AK6: variants seen among roughly 807,000 people sequenced by gnomAD.
AK6 encodes adenylate kinase isoenzyme 6.
In AK6, 24 loss-of-function variants were observed where a neutral mutation model predicts 23.7. That is an observed-to-expected ratio of 1.01 (90% confidence interval 0.73 to 1.43). The LOEUF is 1.43. Ranked by LOEUF, AK6 falls within the 40% of genes most tolerant of loss-of-function variation. The pLI, the probability that AK6 is intolerant of heterozygous loss-of-function variation, is 0.00. For synonymous variants in AK6, 73 were observed against 69.8 expected, an observed-to-expected ratio of 1.05 and a Z score of -0.23; for missense variants, 191 against 199.1, an observed-to-expected ratio of 0.96 and a Z score of 0.24.
chr5:69,364,721 A>C (rs111689224), intron 2 of AK6: 1 of 633,732 alleles, frequency 1.6e-6, no homozygotes, highest in South Asian at 2.0e-5. Flanking sequence ...TTTTAAAAAC[A>C]TAACTGCCAA....
chr5:69,355,578 A>C, intron 4 of AK6, 71 bp downstream of exon 4: 6 of 1,406,708 alleles, frequency 4.3e-6, no homozygotes, highest in Non-Finnish European at 5.8e-6. Context: ...ATCTTTTATC[A>C]TGGCCAATTT....
At chr5:69,365,220 G>A (rs1215363056) in intron 2 of AK6, 2 of 1,614,068 alleles carry the variant, frequency 1.2e-6, no homozygotes, top group African/African-American at 1.3e-5. Flanking sequence ...TACTTTAGTT[G>A]AAACAGACAT....
intron 2 of AK6, among the ~76,000 whole-genome samples, chr5:69,363,313 G>A (rs948992719): frequency 6.6e-6 from 1 of 152,114 alleles, no homozygotes. Flanking sequence ...TCCTTGGTCT[G>A]GTGTCACCAT....
At chr5:69,365,838 T>A (rs1762398466) in intron 2 of AK6, 3 of 1,056,574 alleles carry the variant, frequency 2.8e-6, no homozygotes, top group South Asian at 5.5e-5. Flanking sequence ...CTTAAAAAAA[T>A]TTTAAATCTA....
At chr5:69,369,406 A>T in intron 1 of AK6, 57 bp downstream of exon 1, 1 of 1,593,100 alleles carries the variant, frequency 6.3e-7, no homozygotes, top group Admixed American at 1.7e-5. Flanking sequence ...CGATGCCCAG[A>T]GCACTCTGCG....
At chr5:69,369,542 C>T (rs375942821), upstream of AK6, 1 of 1,610,514 alleles carries the variant, frequency 6.2e-7, no homozygotes, top group Non-Finnish European at 8.5e-7. Context: ...CTTTGCTCTA[C>T]AGGGAGGAGC....
At chr5:69,360,814 C>T (rs1353382407) in intron 2 of AK6, among the ~76,000 whole-genome samples, 4 of 152,128 alleles carry the variant, frequency 2.6e-5, no homozygotes, top group Admixed American at 1.3e-4. Flanking sequence ...TAATACCTTA[C>T]GCTTTGCAAG....
chr5:69,357,646 G>GA (rs961196823), intron 2 of AK6, among the ~76,000 whole-genome samples: 4 of 151,924 alleles, frequency 2.6e-5, no homozygotes, highest in East Asian at 1.9e-4. Flanking sequence ...TGGAAGAGTG[G>GA]AAAAAATCAG....
chr5:69,352,094 C>A lies in AK6; in HGVS notation c.486G>T (p.Trp162Cys). The A allele has an allele frequency of 6.2e-7, 1 of 1,612,440 alleles. No homozygotes were observed. Among genetic ancestry groups the A allele is most frequent in the Non-Finnish European group, 8.5e-7 (1 of 1,179,518 alleles). ...TATGATCTTTGATCCACTGCTCAAT[C>A]CATTTCAAGATCTGATCTACATTAT... ...LENNVDQILK[W>C]IEQWIKDHNS is the part of the protein sequence containing the mutation. The change falls in exon 5 of 5, where the codon TGG becomes TGT. Residue 162 changes from tryptophan to cysteine, a missense_variant. Coordinates refer to ENST00000380822, the MANE Select transcript of AK6 (RefSeq NM_016283.5).
At chr5:69,357,117 A>T (rs1414245347) in intron 2 of AK6, among the ~76,000 whole-genome samples, 1 of 152,214 alleles carries the variant, frequency 6.6e-6, no homozygotes, top group Non-Finnish European at 1.5e-5. Context: ...AAATGAACAT[A>T]AATTCTGAAG....
Position 69,351,844 on chromosome 5 carries a change from TCA to T in AK6, c.*215_*216del, listed in dbSNP as rs1397863667. Reference sequence around the variant, plus strand: ...TTCTTTAGCAATTTAAGTATTAAAATCACAGTTTTTGTCTCAATCCTTAATAA... The same window carrying T: ...TTCTTTAGCAATTTAAGTATTAAAATCAGTTTTTGTCTCAATCCTTAATAA... On this transcript the variant is annotated 3_prime_UTR_variant, in exon 5 of 5. Coordinates refer to ENST00000380822, the MANE Select transcript of AK6 (RefSeq NM_016283.5). The T allele has an allele frequency of 2.1e-5, 8 of 383,468 alleles. No individual in the cohort carries two copies. Among genetic ancestry groups the T allele is most frequent in the African/African-American group, 6.2e-5 (3 of 48,356 alleles). The allele number at this position is 383,468 out of a possible 1,614,324, so 23.8% of individuals were successfully genotyped here. A position where few individuals can be genotyped will look rare whatever the true frequency, so the allele number is the denominator to read the frequency against.
At chr5:69,353,393 G>A (rs926815823) in intron 4 of AK6, among the ~76,000 whole-genome samples, 8 of 152,058 alleles carry the variant, frequency 5.3e-5, no homozygotes, top group African/African-American at 1.7e-4. Flanking sequence ...CACCTTCCGG[G>A]TTCAAGCAAT....
chr5:69,352,547 T>A (rs182864453), intron 4 of AK6, among the ~76,000 whole-genome samples: 1 of 152,218 alleles, frequency 6.6e-6, no homozygotes, highest in East Asian at 1.9e-4. Context: ...TCTCATAACT[T>A]AGTAATAAAA....
intron 2 of AK6, among the ~76,000 whole-genome samples, chr5:69,361,528 T>C (rs1292941363): frequency 6.6e-6 from 1 of 151,634 alleles, no homozygotes; most frequent in Non-Finnish European, 1.5e-5. Context: ...AACCTCCACC[T>C]CCCAGGTTCA....
chr5:69,358,457 G>A (rs935524492), intron 2 of AK6, among the ~76,000 whole-genome samples: 1 of 144,388 alleles, frequency 6.9e-6, no homozygotes, highest in Non-Finnish European at 1.5e-5. Context: ...GGAGGAGGCT[G>A]CAGTGAGCTG....
chr5:69,355,670 A>G lies in AK6; in HGVS notation c.305T>C (p.Leu102Ser), dbSNP rs1294726589. ...VFVLRTDTNV[L>S]YERLETRGYN... ...TTACCTTGTTTCAAGTCTTTCGTACAATACATTGGTATCTGTTCTCAGCAC... is the reference window on the plus strand; with the variant it reads ...TTACCTTGTTTCAAGTCTTTCGTACGATACATTGGTATCTGTTCTCAGCAC... The change falls in exon 4 of 5, where the codon TTG (leucine) becomes TCG (serine). Residue 102 changes from leucine (L) to serine (S), a missense_variant. Physicochemically the swap from Leu to Ser is moderately radical, Grantham distance 145. Coordinates refer to ENST00000380822, the MANE Select transcript of AK6 (RefSeq NM_016283.5). 3 of 1,609,742 alleles carry G rather than the reference A, an allele frequency of 1.9e-6. No individual in the cohort carries two copies. Among genetic ancestry groups the G allele is most frequent in the Non-Finnish European group, 2.5e-6 (3 of 1,179,026 alleles).
chr5:69,361,605 A>G (rs957661571), intron 2 of AK6, among the ~76,000 whole-genome samples: 15 of 133,348 alleles, frequency 1.1e-4, no homozygotes, highest in Non-Finnish European at 2.4e-4. Context: ...CGCCGGACTG[A>G]TTTTTTTTTT....
At chr5:69,365,077 A>G in intron 2 of AK6, 1 of 1,614,202 alleles carries the variant, frequency 6.2e-7, no homozygotes, top group Non-Finnish European at 8.5e-7. Context: ...ATGTTTTTGG[A>G]CCCGATTAAT....
intron 2 of AK6, among the ~76,000 whole-genome samples, chr5:69,357,825 A>C (rs1580306620): frequency 1.3e-5 from 2 of 152,302 alleles, no homozygotes; most frequent in Middle Eastern, 6.8e-3. Flanking sequence ...GAACAATAAG[A>C]AAAGTTAAAT....
Sources: gnomAD v4.1 joint callset for allele counts (sites outside exome capture counted in the v4.1 genomes callset) on GRCh38, gnomAD v4.1.1 for gene constraint, MANE v1.5 for transcripts, NCBI Gene and HGNC (gene_info 2026-07-23, HGNC 2026-07-21) for gene names.